Variants in C10orf90 observed in about 807,000 individuals in gnomAD.
C10orf90 encodes (E2-independent) E3 ubiquitin-conjugating enzyme FATS.
In C10orf90, 56 loss-of-function variants were observed where a neutral mutation model predicts 62.5. The observed-to-expected ratio is 0.90, with a 90% CI of 0.72 to 1.12. The LOEUF is 1.12. C10orf90 is among the 50% of genes most tolerant of loss of function. C10orf90 has a pLI of 0.00. For missense variants in C10orf90, 970 were observed against 880.4 expected, an observed-to-expected ratio of 1.10 and a Z score of -1.29; for synonymous variants, 386 against 340.4, an observed-to-expected ratio of 1.13 and a Z score of -1.47.
intron 4 of C10orf90, chr10:126,496,535 C>A (rs117642956): frequency 2.5e-6 from 1 of 394,568 alleles, no homozygotes; most frequent in Non-Finnish European, 3.4e-6. Flanking sequence ...CTTGACAATA[C>A]TTGATTATTC....
intron 2 of C10orf90, among the ~76,000 whole-genome samples, chr10:126,630,344 C>T (rs1294518725): frequency 6.6e-6 from 1 of 152,052 alleles, no homozygotes; most frequent in Non-Finnish European, 1.5e-5. Flanking sequence ...AGTGTAGTCA[C>T]TCTGTGGTTG....
At chr10:126,550,073 A>G (rs1200337627) in intron 2 of C10orf90, among the ~76,000 whole-genome samples, 2 of 151,058 alleles carry the variant, frequency 1.3e-5, no homozygotes, top group Admixed American at 6.6e-5. Flanking sequence ...CTCCTGCCTC[A>G]GCCTCCTGAG....
intron 4 of C10orf90, among the ~76,000 whole-genome samples, chr10:126,498,983 T>C (rs1166464756): frequency 6.6e-6 from 1 of 152,196 alleles, no homozygotes; most frequent in Non-Finnish European, 1.5e-5. Flanking sequence ...GAATCCAACA[T>C]GTAATACTGG....
In C10orf90 at chr10:126,633,977, C is replaced by T. The variant is rs191250548; in HGVS notation, c.313+12588G>A. 2.6e-3 allele frequency among the ~76,000 whole-genome samples: 392 copies of T among 152,228 alleles called. 1 individual carries two copies. The highest frequency in any genetic ancestry group is 2.1e-3 in the Non-Finnish European group (144 of 68,016). On this transcript the variant is annotated intron_variant, in intron 2 of 9. Transcript: ENST00000488181. Reference sequence around the variant, plus strand: ...ATGGCTGTTATCAAAAAAGAAGAAACGATAAGTTTTGGCGAAGAAGCAGAG... The same window carrying T: ...ATGGCTGTTATCAAAAAAGAAGAAATGATAAGTTTTGGCGAAGAAGCAGAG...
At chr10:126,568,036 C>A (rs1844429272) in intron 2 of C10orf90, among the ~76,000 whole-genome samples, 1 of 152,120 alleles carries the variant, frequency 6.6e-6, no homozygotes, top group Non-Finnish European at 1.5e-5. Context: ...GAAGCTTAGG[C>A]CACTCCCTAA....
chr10:126,526,250 T>C (rs1431128969), intron 2 of C10orf90, among the ~76,000 whole-genome samples: 1 of 151,358 alleles, frequency 6.6e-6, no homozygotes, highest in Non-Finnish European at 1.5e-5. Context: ...ATTGACTTTT[T>C]TTTTTTTTTT....
intron 4 of C10orf90, among the ~76,000 whole-genome samples, chr10:126,473,185 T>G (rs1347939924): frequency 6.6e-6 from 1 of 152,144 alleles, no homozygotes; most frequent in African/African-American, 2.4e-5. Flanking sequence ...GTTTGTAGAT[T>G]AAAGGCTCCT....
intron 8 of C10orf90, among the ~76,000 whole-genome samples, chr10:126,428,774 G>A (rs1428260645): frequency 6.6e-6 from 1 of 152,162 alleles, no homozygotes; most frequent in Admixed American, 6.6e-5. Flanking sequence ...CTGGCATGAG[G>A]TATATGCAAC....
chr10:126,623,517 C>T (rs2804434), intron 2 of C10orf90, among the ~76,000 whole-genome samples: 86,200 of 151,856 alleles, frequency 0.57, 24,626 homozygotes, highest in Middle Eastern at 0.68. Context: ...ACAATTTCTA[C>T]CTTGATCTCT....
chr10:126,427,060 C>A (rs1857308308), intron 8 of C10orf90, among the ~76,000 whole-genome samples: 1 of 152,192 alleles, frequency 6.6e-6, no homozygotes, highest in South Asian at 2.1e-4. Context: ...GGGATTCAAA[C>A]CTTGGTCTGT....
chr10:126,451,900 T>C (rs1590926829), intron 7 of C10orf90, among the ~76,000 whole-genome samples: 2 of 152,006 alleles, frequency 1.3e-5, no homozygotes, highest in East Asian at 3.9e-4. Context: ...AAGTAGAGAG[T>C]AGAATGTTGG....
chr10:126,493,945 C>G (rs899568242), intron 4 of C10orf90, among the ~76,000 whole-genome samples: 56 of 152,238 alleles, frequency 3.7e-4, no homozygotes, highest in Non-Finnish European at 3.5e-4. Context: ...CCCTCCCCAG[C>G]TCCGCTGGCT....
At chr10:126,604,557 A>C (rs140463315) in intron 2 of C10orf90, among the ~76,000 whole-genome samples, 1 of 152,174 alleles carries the variant, frequency 6.6e-6, no homozygotes, top group African/African-American at 2.4e-5. Context: ...CAGAAATGCA[A>C]ATGTGGACGT....
intron 2 of C10orf90, among the ~76,000 whole-genome samples, chr10:126,570,154 G>A (rs772157557): frequency 3.7e-4 from 56 of 152,192 alleles, no homozygotes; most frequent in Admixed American, 1.2e-3. Context: ...GCAGCCCCTG[G>A]TTTATGCTGC....
chr10:126,606,995 A>C (rs1845326756), intron 2 of C10orf90, among the ~76,000 whole-genome samples: 1 of 152,172 alleles, frequency 6.6e-6, no homozygotes, highest in South Asian at 2.1e-4. Context: ...GATTTCCATG[A>C]TCCTTAAGAA....
intron 4 of C10orf90, among the ~76,000 whole-genome samples, chr10:126,493,164 A>G (rs920654676): frequency 2.5e-4 from 10 of 40,718 alleles, no homozygotes; most frequent in East Asian, 1.0e-3. Flanking sequence ...TTTTTTGTTG[A>G]AAAAAAAAAA....
intron 2 of C10orf90, among the ~76,000 whole-genome samples, chr10:126,638,542 C>T (rs560596621): frequency 3.3e-5 from 5 of 152,208 alleles, no homozygotes; most frequent in Admixed American, 1.3e-4. Context: ...TCTGCCCACT[C>T]CTCTACATCT....
intron 2 of C10orf90, among the ~76,000 whole-genome samples, chr10:126,592,479 T>G (rs1051523495): frequency 6.6e-6 from 1 of 152,200 alleles, no homozygotes; most frequent in Non-Finnish European, 1.5e-5. Context: ...CTGGGAGAAC[T>G]GGCTAGGCAT....
At chr10:126,524,593 C>A in intron 2 of C10orf90, 1 of 982,026 alleles carries the variant, frequency 1.0e-6, no homozygotes, top group Non-Finnish European at 1.2e-6. Flanking sequence ...ATTTTGGGAG[C>A]CTTAGTAGGA....
Sources: gnomAD v4.1 joint callset for allele counts (sites outside exome capture counted in the v4.1 genomes callset) on GRCh38, gnomAD v4.1.1 for gene constraint, MANE v1.5 for transcripts, NCBI Gene and HGNC (gene_info 2026-07-23, HGNC 2026-07-21) for gene names.